Variants in CASK observed in about 807,000 individuals in gnomAD.
CASK encodes peripheral plasma membrane protein CASK.
A neutral mutation model predicts 82.9 loss-of-function variants in CASK; 4 were observed. The ratio of observed to expected loss-of-function variants is 0.05; its 90% CI spans 0.02 to 0.11. The LOEUF is 0.11. Among genes scored for constraint, CASK ranks in the 10% least tolerant of loss-of-function variants. The pLI is 1.00. For missense variants in CASK, 358 were observed against 720.9 expected (o/e 0.50, Z 5.76); for synonymous variants, 259 against 253.5 (o/e 1.02, Z -0.20).
chrX:41,762,049 C>T (rs944906314), intron 3 of CASK, among the ~76,000 whole-genome samples: 1 of 111,708 alleles, frequency 9.0e-6, no homozygotes, highest in Non-Finnish European at 1.9e-5. Flanking sequence ...CTTATTTAAT[C>T]CTCATAAAAA....
chrX:41,612,754 G>A (rs757306293), intron 11 of CASK, among the ~76,000 whole-genome samples: 12 of 92,960 alleles, frequency 1.3e-4, no homozygotes, highest in African/African-American at 4.8e-4. Flanking sequence ...AGGGAGGTGG[G>A]GGGGGGTCAA....
intron 4 of CASK, among the ~76,000 whole-genome samples, chrX:41,744,497 C>T (rs1331438643): frequency 1.8e-5 from 2 of 110,924 alleles, no homozygotes; most frequent in African/African-American, 6.6e-5. Context: ...AGGCTCCCGC[C>T]ACCACGCCCG....
chrX:41,609,922 A>T lies in CASK; in HGVS notation c.1137T>A (p.His379Gln), dbSNP rs1345236526. The T allele has an allele frequency of 8.3e-7, 1 of 1,208,886 alleles. No individual in the cohort carries two copies. The highest frequency in any genetic ancestry group is 1.1e-6 in the Non-Finnish European group (1 of 892,805). ...DFLHSVFQDQ[H>Q]LHTLLDLYDK... ...GACTTACATCTAGTAGTGTGTGAAG[A>T]TGCTGATCCTGGAAAACACTGTGTA... Residue 379 changes from histidine (H) to glutamine (Q), a missense_variant, in exon 12 of 27, where the codon CAT (histidine) becomes CAA (glutamine). Around this residue, in one of 5 missense-constraint regions of CASK, gnomAD observed 110 missense variants for 218.8 expected, o/e 0.50. Coordinates refer to ENST00000378163, the MANE Select transcript of CASK (RefSeq NM_001367721.1).
chrX:41,909,673 C>T (rs1470777516), intron 1 of CASK, among the ~76,000 whole-genome samples: 2 of 110,246 alleles, frequency 1.8e-5, no homozygotes, highest in African/African-American at 3.3e-5. Context: ...GGCATGATCT[C>T]GGCTCACTGC....
At chrX:41,785,204 G>A (rs190364904) in intron 3 of CASK, among the ~76,000 whole-genome samples, 889 of 109,849 alleles carry the variant, frequency 8.1e-3, no homozygotes, top group Non-Finnish European at 0.012. Context: ...ACAGGGTTTC[G>A]CCATGTTGCC....
At chrX:41,909,459 T>C (rs1462662752) in intron 1 of CASK, among the ~76,000 whole-genome samples, 2 of 112,415 alleles carry the variant, frequency 1.8e-5, no homozygotes, top group Non-Finnish European at 3.8e-5. Context: ...AATCTCTTTA[T>C]GCAATATTTT....
intron 20 of CASK, among the ~76,000 whole-genome samples, chrX:41,555,382 G>C (rs1175903643): frequency 9.0e-6 from 1 of 111,725 alleles, no homozygotes; most frequent in African/African-American, 3.2e-5. Flanking sequence ...AAAATTATCA[G>C]GTTGAAATTA....
chrX:41,687,077 G>A (rs1260237304), intron 5 of CASK, among the ~76,000 whole-genome samples: 3 of 112,124 alleles, frequency 2.7e-5, no homozygotes, highest in Non-Finnish European at 5.6e-5. Context: ...GTCACAATAT[G>A]AGGAAACTGA....
At chrX:41,673,829 G>GTTTTT (rs887137250) in intron 5 of CASK, among the ~76,000 whole-genome samples, 5 of 51,028 alleles carry the variant, frequency 9.8e-5, no homozygotes, top group African/African-American at 1.5e-4. Flanking sequence ...AACTCTGGGT[G>GTTTTT]TTTTTTTTTT....
Position 41,517,941 on chromosome X carries a change from A to G in CASK, c.*2479T>C, listed in dbSNP as rs2064583445. The G allele has an allele frequency of 4.6e-6, 2 of 438,867 alleles. No homozygotes were observed. Among genetic ancestry groups the G allele is most frequent in the Non-Finnish European group, 8.1e-6 (2 of 247,337 alleles). The allele number at this position is 438,867 out of a possible 1,213,427, so 36.2% of individuals were successfully genotyped here. On this transcript the variant is annotated 3_prime_UTR_variant, in exon 27 of 27. Transcript: ENST00000378163. ...AACAGGTAACATCTTTGAGAAGTCA[A>G]TGAGTTCTGCATGCAGGGATTTCAC...
At chrX:41,866,004 T>C (rs1601920316) in intron 1 of CASK, among the ~76,000 whole-genome samples, 1 of 112,500 alleles carries the variant, frequency 8.9e-6, no homozygotes, top group East Asian at 2.8e-4. Flanking sequence ...TACTGCTCCC[T>C]ACAGAAGAGA....
chrX:41,864,013 G>A (rs1429109877), intron 1 of CASK, among the ~76,000 whole-genome samples: 2 of 111,364 alleles, frequency 1.8e-5, no homozygotes, highest in Non-Finnish European at 3.8e-5. Flanking sequence ...GCTAGGGGGC[G>A]GAGGTTAATA....
intron 1 of CASK, among the ~76,000 whole-genome samples, chrX:41,878,341 G>A (rs776910611): frequency 2.1e-4 from 23 of 111,302 alleles, no homozygotes; most frequent in Non-Finnish European, 3.6e-4. Context: ...TGGCTTCAAG[G>A]ATCAATAATA....
chrX:41,606,864 T>C (rs1221396771), intron 12 of CASK, among the ~76,000 whole-genome samples: 1 of 110,417 alleles, frequency 9.1e-6, no homozygotes, highest in Non-Finnish European at 1.9e-5. Flanking sequence ...AGCTGCTTTT[T>C]AAATTTTTTG....
At chrX:41,569,884 C>T (rs756324555) in intron 15 of CASK, 138 bp from the exon 16 acceptor site, 222 of 456,587 alleles carry the variant, frequency 4.9e-4, no homozygotes, top group Non-Finnish European at 7.8e-4. Context: ...ATGGAGAAGA[C>T]CATCCAGTAT....
rs190741405 is a variant in CASK, at chrX:41,569,815, T to A, written c.1504-69A>T. On this transcript the variant is annotated intron_variant, in intron 15 of 26. Coordinates refer to ENST00000378163, the MANE Select transcript of CASK (RefSeq NM_001367721.1). ...ATGACAGTGCTTCTCTTAATATTTG[T>A]GATTTTGCGGTAGATAATTTTAATT... 4.1e-4 allele frequency: 266 copies of A among 655,269 alleles called. 3 individuals carry two copies. In the East Asian group the frequency reaches 8.8e-3, roughly 22 times the overall value. 54.0% of individuals were successfully genotyped at this position (655,269 alleles called of 1,213,427 possible).
rs1041458857 is a variant in CASK at position 41,557,342 on chromosome X, A to T, written c.1738-242T>A. 2.7e-5 allele frequency among the ~76,000 whole-genome samples: 3 copies of T among 111,663 alleles called. No individual in the cohort carries two copies. In the Admixed American group the frequency reaches 2.9e-4, roughly 11 times the overall value. On this transcript the variant is annotated intron_variant, in intron 18 of 26. Coordinates refer to ENST00000378163, the MANE Select transcript of CASK (RefSeq NM_001367721.1). ...TAATCAATTCTTTCCTATCTCTAACATTCTATACCTTTTCTTTCTTTTAAT... is the reference window on the plus strand; with the variant it reads ...TAATCAATTCTTTCCTATCTCTAACTTTCTATACCTTTTCTTTCTTTTAAT...
intron 24 of CASK, among the ~76,000 whole-genome samples, chrX:41,531,498 C>T (rs969334152): frequency 6.3e-5 from 7 of 111,789 alleles, no homozygotes. Context: ...AGGAGGAAGA[C>T]GTGAAATGAC....
chrX:41,764,584 C>T (rs2069073026), intron 3 of CASK, among the ~76,000 whole-genome samples: 1 of 111,572 alleles, frequency 9.0e-6, no homozygotes, highest in African/African-American at 3.3e-5. Context: ...TATCAGGTGC[C>T]CAAGCCAGAG....
Sources: gnomAD v4.1 joint callset for allele counts (sites outside exome capture counted in the v4.1 genomes callset) on GRCh38, gnomAD v4.1.1 for gene constraint, gnomAD v4.1.1 regional missense constraint, MANE v1.5 for transcripts, NCBI Gene and HGNC (gene_info 2026-07-23, HGNC 2026-07-21) for gene names.